PTCD1: variants seen among roughly 807,000 people sequenced by gnomAD.
PTCD1 encodes the protein pentatricopeptide repeat domain 1, also known as pentatricopeptide repeat-containing protein 1, mitochondrial.
In PTCD1, 50 loss-of-function variants were observed where a neutral mutation model predicts 53.4. That is an observed-to-expected ratio of 0.94 (90% CI 0.75 to 1.19). PTCD1 has a LOEUF of 1.19. Ranked by LOEUF, PTCD1 falls within the 50% of genes most tolerant of loss-of-function variation. The pLI, the probability that PTCD1 is intolerant of heterozygous loss-of-function variation, is 0.00. For missense variants in PTCD1, 918 were observed against 904.8 expected (o/e 1.01, Z -0.19); for synonymous variants, 413 against 394.8 (o/e 1.05, Z -0.55).
At chr7:99,426,188 TC>T in intron 5 of PTCD1, among the ~76,000 whole-genome samples, 1 of 118,494 alleles carries the variant, frequency 8.4e-6, no homozygotes, top group Admixed American at 1.0e-4. Context: ...TCCCTCTCCC[TC>T]TCCCCACGGT....
Position 99,419,961 on chromosome 7 carries a change from C to T in PTCD1, c.*6G>A, listed in dbSNP as rs1250468017. 1.2e-6 allele frequency: 2 copies of T among 1,614,078 alleles called. No homozygotes were observed. Among genetic ancestry groups the T allele is most frequent in the South Asian group, 1.1e-5 (1 of 91,092 alleles). On this transcript the variant is annotated 3_prime_UTR_variant, in exon 8 of 8. Transcript: ENST00000292478. ...GGCCGAGCACATTGTTCCAGCTGTG[C>T]TCCCATCACCTGCCCCCAAGGGCAC...
Position 99,419,366 on chromosome 7 carries a change from GTC to G in PTCD1, c.*599_*600del. 6.2e-7 allele frequency: 1 copy of G among 1,612,556 alleles called. No homozygotes were observed. On this transcript the variant is annotated 3_prime_UTR_variant, in exon 8 of 8. Transcript: ENST00000292478. ...GGGGCGAGCGTGGCGCAGTGGCATC[GTC>G]TCACTGTCCTCCTCCGTTGCAGGGC... is the stretch of plus-strand genomic sequence containing the variant.
Position 99,428,189 on chromosome 7 carries a change from G to A in PTCD1, c.915+914C>T, listed in dbSNP as rs549604572. On this transcript the variant is annotated intron_variant, in intron 5 of 7. Transcript: ENST00000292478. ...GAGCAAGGCGCCGGATCACGAGGTA[G>A]GAGAGCGAGACCATCCAGGCTAACA... 5.9e-5 allele frequency among the ~76,000 whole-genome samples: 9 copies of A among 151,996 alleles called. No individual in the cohort carries two copies. The South Asian group carries it at 1.9e-3, about 32-fold the overall frequency.
Position 99,435,125 on chromosome 7 carries a change from G to T in PTCD1, c.118C>A (p.Arg40=), listed in dbSNP as rs375579760. ...CTGCTGAAGGGCGCCCACATTGGCC[G>T]CATCAGCCCCTCCCTGCCTCCTGCC... ...RWAGGREGLM[R]PMWAPFSSSS... is the part of the protein sequence containing the mutation. The change falls in exon 2 of 8, where the codon CGG becomes AGG. Residue 40 remains arginine, a synonymous_variant. Transcript: ENST00000292478. The T allele has an allele frequency of 8.1e-6, 13 of 1,601,632 alleles. No individual in the cohort carries two copies. The highest frequency in any genetic ancestry group is 9.4e-6 in the Non-Finnish European group (11 of 1,175,180).
In PTCD1 at chr7:99,424,822, G is replaced by A. The variant is rs142516229; in HGVS notation, c.1710C>T (p.Asp570=). The A allele has an allele frequency of 1.9e-5, 31 of 1,614,098 alleles. No individual in the cohort carries two copies. Among genetic ancestry groups the A allele is most frequent in the African/African-American group, 4.0e-5 (3 of 74,938 alleles). ...TCATGTCTGTGAGAAGCTGTAGACC[G>A]TCCTTCGGCCTGTGGCACCCGATGG... ...NLAIGCHRPK[D]GLQLLTDMKK... is the part of the protein sequence containing the mutation. Residue 570 remains aspartate, a synonymous_variant, in exon 6 of 8, where the codon GAC becomes GAT. Coordinates refer to ENST00000292478, the MANE Select transcript of PTCD1 (RefSeq NM_015545.4).
At chr7:99,436,133 A>G (rs999619696) in intron 1 of PTCD1, among the ~76,000 whole-genome samples, 5 of 151,956 alleles carry the variant, frequency 3.3e-5, no homozygotes, top group Non-Finnish European at 7.4e-5. Flanking sequence ...TGGTAGAGAC[A>G]GGGTCTTGCT....
At chr7:99,421,577 T>C (rs1795822127) in intron 7 of PTCD1, among the ~76,000 whole-genome samples, 1 of 136,570 alleles carries the variant, frequency 7.3e-6, no homozygotes, top group East Asian at 2.0e-4. Flanking sequence ...ACCCCGTCTC[T>C]ACTAAAAAAA....
intron 3 of PTCD1, among the ~76,000 whole-genome samples, chr7:99,432,429 C>G (rs1269064142): frequency 6.6e-6 from 1 of 152,146 alleles, no homozygotes; most frequent in African/African-American, 2.4e-5. Context: ...AGCACAGCAC[C>G]CTTCCTTAAA....
At chr7:99,432,058 G>T (rs751090114) in intron 3 of PTCD1, among the ~76,000 whole-genome samples, 1 of 152,216 alleles carries the variant, frequency 6.6e-6, no homozygotes, top group African/African-American at 2.4e-5. Context: ...GCGGAAGGCC[G>T]CAGGGACCTC....
At position 99,438,773 on chromosome 7, in the gene PTCD1, T is replaced by G. The variant is rs1445453789; in HGVS notation, c.-108A>C. 16 of 1,356,670 alleles carry G rather than the reference T, an allele frequency of 1.2e-5. No individual in the cohort carries two copies. The highest frequency in any genetic ancestry group is 8.9e-5 in the Admixed American group (4 of 45,000). 84.0% of individuals were successfully genotyped at this position (1,356,670 alleles called of 1,614,324 possible). On this transcript the variant is annotated 5_prime_UTR_variant, in exon 1 of 8. Transcript: ENST00000292478. ...AACCAGTCTCTTCCTCGGGTCCCCC[T>G]CTCCCCAAGCGCGCAGGCGCAATCC...
chr7:99,419,617 GC>G lies in PTCD1; in HGVS notation c.*349del. On this transcript the variant is annotated 3_prime_UTR_variant, in exon 8 of 8. Transcript: ENST00000292478. ...AAAATAAAATCTTTAAATCTCTCGAGCCCCACGTCTCTTCTTTCAGAGCATC... is the reference window on the plus strand; with the variant it reads ...AAAATAAAATCTTTAAATCTCTCGAGCCCACGTCTCTTCTTTCAGAGCATC... The G allele has an allele frequency of 1.2e-6, 1 of 829,450 alleles. No homozygotes were observed. Among genetic ancestry groups the G allele is most frequent in the Non-Finnish European group, 1.9e-6 (1 of 540,358 alleles). 51.4% of individuals were successfully genotyped at this position (829,450 alleles called of 1,614,324 possible). A position where few individuals can be genotyped will look rare whatever the true frequency, so the allele number is the denominator to read the frequency against.
In PTCD1 at chr7:99,425,258, G is replaced by A; in HGVS notation, c.1274C>T (p.Ala425Val). 1 of 1,613,102 alleles carries A rather than the reference G, an allele frequency of 6.2e-7. No individual in the cohort carries two copies. Residue 425 changes from alanine (A) to valine (V), a missense_variant, in exon 6 of 8, where the codon GCC becomes GTC. Transcript: ENST00000292478. The part of the protein sequence containing the change: ...DTKAEPSHTA[A>V]LTAVALKPPP... ...TGGCTTCAGGGCCACTGCGGTGAGG[G>A]CTGCTGTGTGGCTGGGCTCTGCCTT... is the stretch of plus-strand genomic sequence containing the variant.
Position 99,418,357 on chromosome 7 carries a change from T to C in PTCD1, c.*1610A>G. 1 of 155,140 alleles carries C rather than the reference T, an allele frequency of 6.4e-6. No homozygotes were observed. The highest frequency in any genetic ancestry group is 2.0e-4 in the South Asian group (1 of 5,032). The allele number at this position is 155,140 out of a possible 1,614,324, so 9.6% of individuals were successfully genotyped here. A position where few individuals can be genotyped will look rare whatever the true frequency, so the allele number is the denominator to read the frequency against. On this transcript the variant is annotated 3_prime_UTR_variant, in exon 8 of 8. Coordinates refer to ENST00000292478, the MANE Select transcript of PTCD1 (RefSeq NM_015545.4). ...TGGTGCTGAGGGACAGGAGCTGAGC[T>C]CCATCCGGTTCCAAGCCCCTCTGAA...
intron 7 of PTCD1, among the ~76,000 whole-genome samples, chr7:99,420,814 G>A (rs1795774983): frequency 6.6e-6 from 1 of 152,150 alleles, no homozygotes. Context: ...GGATGTGGCG[G>A]TGCATGCCTG....
rs1289587591 is a variant in PTCD1, at chr7:99,417,431, C to CT, written c.*2535dup. On this transcript the variant is annotated 3_prime_UTR_variant, in exon 8 of 8. Transcript: ENST00000292478. ...CTCTTTCCCCATCTTTTTGACAGAA[C>CT]TCTATGAATATTGTATTAAAGAAGG... The CT allele has an allele frequency of 5.0e-6, 8 of 1,613,732 alleles. No homozygotes were observed. Among genetic ancestry groups the CT allele is most frequent in the Non-Finnish European group, 6.8e-6 (8 of 1,179,872 alleles).
chr7:99,436,523 G>A (rs2150962858), intron 1 of PTCD1, among the ~76,000 whole-genome samples: 1 of 152,270 alleles, frequency 6.6e-6, no homozygotes, highest in Admixed American at 6.5e-5. Flanking sequence ...GCTGAGGCAG[G>A]AGAATCACTT....
At chr7:99,430,172 T>A (rs993683422) in intron 3 of PTCD1, among the ~76,000 whole-genome samples, 1 of 152,214 alleles carries the variant, frequency 6.6e-6, no homozygotes, top group Non-Finnish European at 1.5e-5. Context: ...CCGGGCAAGT[T>A]AGCACTTCCT....
rs1276980587 is a variant in PTCD1 at position 99,423,783 on chromosome 7, A to G, written c.1912T>C (p.Phe638Leu). 5 of 1,613,896 alleles carry G rather than the reference A, an allele frequency of 3.1e-6. No homozygotes were observed. The highest frequency in any genetic ancestry group is 4.2e-6 in the Non-Finnish European group (5 of 1,179,996). Reference sequence around the variant, plus strand: ...GAGCTTGGGGCACACACCCGGTCAAAGGTGGGAGGGTACTGGGCTGCAAAC... The same window carrying G: ...GAGCTTGGGGCACACACCCGGTCAAGGGTGGGAGGGTACTGGGCTGCAAAC... ...LEFAAQYPPTFDRYQGKNTYL... is the reference protein window; with the variant it reads ...LEFAAQYPPTLDRYQGKNTYL... The change falls in exon 7 of 8, where the codon TTT becomes CTT. Residue 638 changes from phenylalanine (F) to leucine (L), a missense_variant. Physicochemically the swap from Phe to Leu is conservative, Grantham distance 22. Transcript: ENST00000292478.
chr7:99,419,414 C>T lies in PTCD1; in HGVS notation c.*553G>A. ...AGGGCCGCATCATCGAGTGCACACA[C>T]TGTGGCTGTCGTGGCTGCTCTGGCT... On this transcript the variant is annotated 3_prime_UTR_variant, in exon 8 of 8. Transcript: ENST00000292478. 2 of 1,613,172 alleles carry T rather than the reference C, an allele frequency of 1.2e-6. No individual in the cohort carries two copies. The highest frequency in any genetic ancestry group is 2.2e-5 in the South Asian group (2 of 91,086).
Sources: allele counts gnomAD v4.1 joint callset (sites outside exome capture counted in the v4.1 genomes callset), GRCh38; gene constraint gnomAD v4.1.1; transcripts MANE v1.5; gene names NCBI Gene and HGNC (gene_info 2026-07-23, HGNC 2026-07-21).